PARD3B: variants seen among roughly 807,000 people sequenced by gnomAD.
PARD3B encodes partitioning defective 3 homolog B.
In PARD3B, 103 loss-of-function variants were observed where a neutral mutation model predicts 130.2. The ratio of observed to expected loss-of-function variants is 0.79; its 90% confidence interval spans 0.67 to 0.93. PARD3B has a LOEUF of 0.93. Ranked by LOEUF, PARD3B falls within the 40% of genes least tolerant of loss-of-function variation. The probability of loss-of-function intolerance (pLI) is 0.00; values close to 1 mark genes in which losing one functional copy is unlikely to be tolerated. For synonymous variants in PARD3B, 583 were observed against 553.2 expected (o/e 1.05, Z -0.76); for missense variants, 1,609 against 1,499.2 (o/e 1.07, Z -1.21).
At chr2:205,252,394 G>A (rs1332805299) in intron 16 of PARD3B, among the ~76,000 whole-genome samples, 1 of 152,154 alleles carries the variant, frequency 6.6e-6, no homozygotes, top group Non-Finnish European at 1.5e-5. Flanking sequence ...GCCTAATTCA[G>A]TATTTGTTTG....
In PARD3B at chr2:205,176,403, C is replaced by T. The variant is rs1409425636; in HGVS notation, c.1792-42C>T. 1.4e-5 allele frequency: 21 copies of T among 1,552,062 alleles called. No homozygotes were observed. The highest frequency in any genetic ancestry group is 1.7e-5 in the Non-Finnish European group (19 of 1,145,818). The stretch of plus-strand genomic sequence containing the variant: ...TTTGCTTCAACTGACCAAGTTGGAA[C>T]ATATTAAAAATGCAAATGTAATTTT... On this transcript the variant is annotated intron_variant, in intron 12 of 22. Transcript: ENST00000406610. This position sits in a 1 kb window ranked among gnomAD's most constrained non-coding sequence, Gnocchi z 5.3.
chr2:205,040,467 C>T (rs533041772), intron 3 of PARD3B, among the ~76,000 whole-genome samples: 9 of 152,170 alleles, frequency 5.9e-5, no homozygotes, highest in African/African-American at 2.2e-4. Context: ...GAAGGATACA[C>T]CCATATTTTT....
chr2:205,401,151 T>C, intron 19 of PARD3B, 28 bp downstream of exon 19: 1 of 1,505,954 alleles, frequency 6.6e-7, no homozygotes, highest in Non-Finnish European at 9.1e-7. Flanking sequence ...GACCTTCATT[T>C]TCTTTGACTC....
At chr2:204,935,382 A>AAG (rs1559276178) in intron 2 of PARD3B, among the ~76,000 whole-genome samples, 2 of 148,760 alleles carry the variant, frequency 1.3e-5, no homozygotes, top group Non-Finnish European at 3.0e-5. Flanking sequence ...ACAAAAAAAA[A>AAG]AAAAAAATTA....
chr2:204,955,965 G>A (rs770676989), intron 2 of PARD3B, among the ~76,000 whole-genome samples: 20 of 152,160 alleles, frequency 1.3e-4, no homozygotes, highest in Non-Finnish European at 2.2e-4. Flanking sequence ...GACAATGTAT[G>A]ATGAAGAACT....
intron 3 of PARD3B, among the ~76,000 whole-genome samples, chr2:204,991,325 T>A (rs1345068229): frequency 6.9e-6 from 1 of 145,476 alleles, no homozygotes; most frequent in Non-Finnish European, 1.5e-5. Flanking sequence ...GAATATGCGG[T>A]GTTTGGTTTT....
rs1001676884 is a variant in PARD3B at position 204,982,612 on chromosome 2, A to G, written c.394+17289A>G. ...CTGACTCATGTTTCACACCAGTACCAACTCACTCTAACACTCACAATCTTT... is the reference window on the plus strand; with the variant it reads ...CTGACTCATGTTTCACACCAGTACCGACTCACTCTAACACTCACAATCTTT... On this transcript the variant is annotated intron_variant, in intron 3 of 22. Coordinates refer to ENST00000406610, the MANE Select transcript of PARD3B (RefSeq NM_001302769.2). 2.6e-5 allele frequency among the ~76,000 whole-genome samples: 4 copies of G among 152,216 alleles called. No homozygotes were observed. In the East Asian group the frequency reaches 7.7e-4, roughly 29 times the overall value.
chr2:204,952,127 A>G (rs1689825898), intron 2 of PARD3B, among the ~76,000 whole-genome samples: 1 of 152,222 alleles, frequency 6.6e-6, no homozygotes, highest in Non-Finnish European at 1.5e-5. Flanking sequence ...TTGTGAGTAG[A>G]TTTACCCCGT....
chr2:204,661,713 T>C (rs1487781833), intron 1 of PARD3B, among the ~76,000 whole-genome samples: 1 of 152,192 alleles, frequency 6.6e-6, no homozygotes, highest in African/African-American at 2.4e-5. Context: ...ATAAACCCAT[T>C]ACATGTTGAT....
intron 11 of PARD3B, among the ~76,000 whole-genome samples, chr2:205,171,864 C>T (rs949820477): frequency 1.3e-5 from 2 of 152,174 alleles, no homozygotes; most frequent in Non-Finnish European, 1.5e-5. Flanking sequence ...AACCCCCTTC[C>T]CTTGAGTCAA....
chr2:204,816,624 T>C (rs2043156394), intron 2 of PARD3B, among the ~76,000 whole-genome samples: 1 of 151,986 alleles, frequency 6.6e-6, no homozygotes, highest in South Asian at 2.1e-4. Flanking sequence ...TTCTTACCTT[T>C]GTTCCTCTGC....
chr2:205,354,898 A>G (rs958397015), intron 18 of PARD3B, among the ~76,000 whole-genome samples: 1 of 152,220 alleles, frequency 6.6e-6, no homozygotes, highest in Non-Finnish European at 1.5e-5. Flanking sequence ...TAAGGTGACA[A>G]CTTTAAAACA....
In PARD3B at chr2:205,185,791, C is replaced by A. The variant is rs1401808437; in HGVS notation, c.1952C>A (p.Ala651Asp). The A allele has an allele frequency of 6.2e-7, 1 of 1,613,868 alleles. No individual in the cohort carries two copies. The highest frequency in any genetic ancestry group is 1.3e-5 in the African/African-American group (1 of 74,890). ...KGLLLPNDGW[A>D]ESEVPPSPTP... is the part of the protein sequence containing the mutation. ...CTATTGCTGCCCAATGACGGATGGG[C>A]CGAGAGTGAAGTTCCACCTTCTCCA... The change falls in exon 14 of 23, where the codon GCC (alanine) becomes GAC (aspartate). Residue 651 changes from alanine (A) to aspartate (D), a missense_variant. Ala to Asp is a moderately radical substitution (Grantham distance 126, BLOSUM62 -2). Coordinates refer to ENST00000406610, the MANE Select transcript of PARD3B (RefSeq NM_001302769.2).
intron 2 of PARD3B, among the ~76,000 whole-genome samples, chr2:204,816,344 T>C (rs536997766): frequency 1.2e-4 from 18 of 152,072 alleles, no homozygotes; most frequent in African/African-American, 3.9e-4. Flanking sequence ...AATCCGATGC[T>C]CTTCTTCTTT....
chr2:205,387,670 A>C lies in PARD3B; in HGVS notation c.2631-13343A>C, dbSNP rs115386479. On this transcript the variant is annotated intron_variant, in intron 18 of 22. Transcript: ENST00000406610. Reference sequence around the variant, plus strand: ...AAATACTGTGGGTTTCTACAGAATCAAATATGACTGTAATGTTTGTAAAAA... The same window carrying C: ...AAATACTGTGGGTTTCTACAGAATCCAATATGACTGTAATGTTTGTAAAAA... Among the ~76,000 whole-genome samples the C allele has an allele frequency of 6.6e-3, 998 of 152,348 alleles. 9 individuals carry two copies. Among genetic ancestry groups the C allele is most frequent in the African/African-American group, 0.022 (922 of 41,586 alleles).
intron 20 of PARD3B, among the ~76,000 whole-genome samples, chr2:205,490,863 G>T (rs529575522): frequency 2.6e-5 from 4 of 152,350 alleles, no homozygotes; most frequent in African/African-American, 9.6e-5. Context: ...CTGATGGCCA[G>T]TGATGATGAC....
chr2:204,722,060 T>A (rs1269821318), intron 2 of PARD3B, among the ~76,000 whole-genome samples: 1 of 152,134 alleles, frequency 6.6e-6, no homozygotes, highest in Admixed American at 6.6e-5. Flanking sequence ...ATCATTAATG[T>A]TTACATCCTA....
rs766781874 is a variant in PARD3B, at chr2:204,689,322, G to A, written c.222+3040G>A. On this transcript the variant is annotated intron_variant, in intron 2 of 22. Coordinates refer to ENST00000406610, the MANE Select transcript of PARD3B (RefSeq NM_001302769.2). The surrounding 1 kb of genome is among the most constrained non-coding windows in gnomAD (Gnocchi z 5.2). Reference sequence around the variant, plus strand: ...CTTGCTTTCCTAGTACAGCTTCCACGGGGACCAAGTCTCCACTGTGTTACA... The same window carrying A: ...CTTGCTTTCCTAGTACAGCTTCCACAGGGACCAAGTCTCCACTGTGTTACA... Among the ~76,000 whole-genome samples, 10 of 152,062 alleles carry A rather than the reference G, an allele frequency of 6.6e-5. No individual in the cohort carries two copies. Among genetic ancestry groups the A allele is most frequent in the Admixed American group, 5.2e-4 (8 of 15,244 alleles).
At chr2:205,279,592 T>C (rs2041110439) in intron 16 of PARD3B, among the ~76,000 whole-genome samples, 1 of 152,206 alleles carries the variant, frequency 6.6e-6, no homozygotes, top group Admixed American at 6.5e-5. Context: ...CTTTTATTTA[T>C]GAAGTTTAGA....
Sources: allele counts gnomAD v4.1 joint callset (sites outside exome capture counted in the v4.1 genomes callset), GRCh38; gene constraint gnomAD v4.1.1; non-coding constraint Gnocchi (gnomAD v3.1); transcripts MANE v1.5; gene names NCBI Gene and HGNC (gene_info 2026-07-23, HGNC 2026-07-21).